Variants in ZFPM1 observed in about 807,000 individuals in gnomAD.
ZFPM1 encodes the protein zinc finger protein ZFPM1.
A neutral mutation model predicts 46.3 loss-of-function variants in ZFPM1; 28 were observed. The ratio of observed to expected loss-of-function variants is 0.60; its 90% CI spans 0.45 to 0.83. The LOEUF (loss-of-function observed/expected upper bound fraction) is 0.83. Among genes scored for constraint, ZFPM1 ranks in the 40% least tolerant of loss-of-function variants. ZFPM1 has a pLI of 0.00. For synonymous variants in ZFPM1, 957 were observed against 675.9 expected, an observed-to-expected ratio of 1.42 and a Z score of -6.45; for missense variants, 1,878 against 1,432.4, an observed-to-expected ratio of 1.31 and a Z score of -5.02.
chr16:88,502,077 T>TCCCC, intron 3 of ZFPM1, among the ~76,000 whole-genome samples: 1 of 123,308 alleles, frequency 8.1e-6, no homozygotes, highest in African/African-American at 3.3e-5. Context: ...TTTATTTATT[T>TCCCC]ATTTATTTAT....
intron 1 of ZFPM1, among the ~76,000 whole-genome samples, chr16:88,482,419 T>A (rs1908988405): frequency 6.6e-6 from 1 of 152,062 alleles, no homozygotes; most frequent in South Asian, 2.1e-4. Context: ...ATCAGAGCCG[T>A]TTTAATTGTG....
At chr16:88,452,542 A>G (rs1907321089), upstream of ZFPM1, among the ~76,000 whole-genome samples, 1 of 152,242 alleles carries the variant, frequency 6.6e-6, no homozygotes, top group Admixed American at 6.5e-5. Context: ...TCCTGCTCTC[A>G]GTTGGCGGAC....
chr16:88,465,907 G>A (rs961319295), intron 1 of ZFPM1, among the ~76,000 whole-genome samples: 18 of 152,214 alleles, frequency 1.2e-4, no homozygotes, highest in African/African-American at 4.1e-4. Flanking sequence ...CAGCCATAGG[G>A]GTGGAGGAGG....
rs923672124 is a variant in ZFPM1 at position 88,471,435 on chromosome 16, G to A, written c.41-14504G>A. Among the ~76,000 whole-genome samples the A allele has an allele frequency of 1.3e-5, 2 of 150,998 alleles. No homozygotes were observed. Among genetic ancestry groups the A allele is most frequent in the Non-Finnish European group, 2.9e-5 (2 of 68,010 alleles). ...CATAGTGGGGGGGCCAAGACCCCAA[G>A]ATGACCATGGCTGCGGTGGCTCCTG... On this transcript the variant is annotated intron_variant, in intron 1 of 9. Transcript: ENST00000319555. The surrounding 1 kb of genome is among the most constrained non-coding windows in gnomAD (Gnocchi z 4.1).
intron 4 of ZFPM1, among the ~76,000 whole-genome samples, chr16:88,519,270 GGGATGGATGGAT>G (rs758724772): frequency 6.2e-5 from 8 of 129,962 alleles, no homozygotes; most frequent in East Asian, 2.4e-4. Context: ...GATGAGTGGA[GGGATGGATGGAT>G]GGATGGATGG....
Position 88,489,057 on chromosome 16 carries a change from C to G in ZFPM1, c.172C>G (p.Pro58Ala), listed in dbSNP as rs758092528. The G allele has an allele frequency of 1.2e-6, 2 of 1,612,806 alleles. No homozygotes were observed. Among genetic ancestry groups the G allele is most frequent in the African/African-American group, 2.7e-5 (2 of 75,016 alleles). The change falls in exon 3 of 10, where the codon CCC becomes GCC. Residue 58 changes from proline to alanine, a missense_variant. By Grantham distance (27) the Pro-to-Ala change is conservative. Coordinates refer to ENST00000319555, the MANE Select transcript of ZFPM1 (RefSeq NM_153813.3). ...TGTTAACTCACCCCCACCGCTGCCG[C>G]CCCCCACATCCCCAGGAGGCCCCAA... ...ADVNSPPPLP[P>A]PTSPGGPKEL...
intron 4 of ZFPM1, among the ~76,000 whole-genome samples, chr16:88,523,803 G>C (rs946966825): frequency 6.6e-6 from 1 of 152,128 alleles, no homozygotes; most frequent in African/African-American, 2.4e-5. Context: ...CTCCCGGGTC[G>C]GGGGCGGGTG....
chr16:88,521,458 T>C (rs1911878360), intron 4 of ZFPM1, among the ~76,000 whole-genome samples: 1 of 151,694 alleles, frequency 6.6e-6, no homozygotes, highest in Admixed American at 6.6e-5. Context: ...CCTCAGGCCA[T>C]CGTGGGTCAG....
chr16:88,523,511 G>A (rs575149553), intron 4 of ZFPM1, among the ~76,000 whole-genome samples: 30 of 152,242 alleles, frequency 2.0e-4, no homozygotes, highest in South Asian at 1.2e-3. Context: ...ACTTGGCACC[G>A]GGCAAGACCC....
chr16:88,494,240 C>T lies in ZFPM1; in HGVS notation c.268+5087C>T, dbSNP rs574800409. ...CTGCAACCTGGAACTCCCCTTTCCG[C>T]GGCCAAGAGGCGGCCGAGCAGGGGC... is the stretch of plus-strand genomic sequence containing the variant. On this transcript the variant is annotated intron_variant, in intron 3 of 9. Coordinates refer to ENST00000319555, the MANE Select transcript of ZFPM1 (RefSeq NM_153813.3). Among the ~76,000 whole-genome samples the T allele has an allele frequency of 1.6e-3, 248 of 152,246 alleles. 1 individual carries two copies. Among genetic ancestry groups the T allele is most frequent in the African/African-American group, 5.7e-3 (237 of 41,540 alleles).
intron 1 of ZFPM1, among the ~76,000 whole-genome samples, chr16:88,463,359 C>T (rs1048232984): frequency 2.0e-5 from 3 of 152,340 alleles, no homozygotes; most frequent in Non-Finnish European, 2.9e-5. Context: ...CCCAGACCCT[C>T]GTGATGGGAG....
At chr16:88,518,018 G>A (rs1911465477) in intron 4 of ZFPM1, among the ~76,000 whole-genome samples, 1 of 152,148 alleles carries the variant, frequency 6.6e-6, no homozygotes, top group Non-Finnish European at 1.5e-5. Flanking sequence ...AGACCATCCT[G>A]GCTAACATGG....
At chr16:88,452,655 G>T (rs1907326498), upstream of ZFPM1, among the ~76,000 whole-genome samples, 1 of 152,284 alleles carries the variant, frequency 6.6e-6, no homozygotes, top group African/African-American at 2.4e-5. Flanking sequence ...CGGGCTTCCT[G>T]AGCCGGTTGT....
intron 3 of ZFPM1, among the ~76,000 whole-genome samples, chr16:88,500,284 G>A (rs1052329362): frequency 7.9e-5 from 12 of 152,192 alleles, no homozygotes; most frequent in African/African-American, 2.2e-4. Context: ...TGGGCCTGCC[G>A]CATGGCCGGG....
At chr16:88,470,194 C>T (rs1338922456) in intron 1 of ZFPM1, among the ~76,000 whole-genome samples, 2 of 152,180 alleles carry the variant, frequency 1.3e-5, no homozygotes, top group Non-Finnish European at 2.9e-5. Flanking sequence ...CGGTCCTTGT[C>T]CCTGTGCTGG....
At chr16:88,524,876 G>A (rs1252947323) in intron 4 of ZFPM1, among the ~76,000 whole-genome samples, 1 of 152,222 alleles carries the variant, frequency 6.6e-6, no homozygotes, top group Non-Finnish European at 1.5e-5. Flanking sequence ...TGAGCCAGGG[G>A]TTGGGGTGGC....
intron 3 of ZFPM1, 187 bp downstream of exon 3, chr16:88,489,340 C>A (rs1909424053): frequency 2.1e-6 from 2 of 930,852 alleles, no homozygotes; most frequent in Non-Finnish European, 3.1e-6. Context: ...AGCTTGGCAC[C>A]CTCGCGCCAA....
intron 4 of ZFPM1, among the ~76,000 whole-genome samples, chr16:88,515,285 T>G (rs1911229406): frequency 6.6e-6 from 1 of 152,154 alleles, no homozygotes; most frequent in Middle Eastern, 3.2e-3. Flanking sequence ...CAGACGCATG[T>G]CCCAGGCCGC....
intron 1 of ZFPM1, among the ~76,000 whole-genome samples, chr16:88,465,211 G>A (rs1057165234): frequency 1.3e-5 from 2 of 152,202 alleles, no homozygotes; most frequent in Admixed American, 6.5e-5. Flanking sequence ...AGCAGGGCCC[G>A]GGCTGGGGAG....
Sources: gnomAD v4.1 joint callset for allele counts (sites outside exome capture counted in the v4.1 genomes callset) on GRCh38, gnomAD v4.1.1 for gene constraint, Gnocchi (gnomAD v3.1) non-coding constraint, MANE v1.5 for transcripts, NCBI Gene and HGNC (gene_info 2026-07-23, HGNC 2026-07-21) for gene names.